The following SESTD1 variants were observed in gnomAD, a reference collection of about 807,000 sequenced individuals.
The protein encoded by SESTD1 is SEC14 domain and spectrin repeat-containing protein 1.
SESTD1 carries 43 observed loss-of-function variants against 101.7 expected under a neutral mutation model. The observed-to-expected ratio is 0.42, with a 90% CI of 0.33 to 0.55. The LOEUF is 0.55. Among genes scored for constraint, SESTD1 ranks in the 20% least tolerant of loss-of-function variants. The probability of loss-of-function intolerance (pLI) is 0.07; values close to 1 mark genes in which losing one functional copy is unlikely to be tolerated. For missense variants in SESTD1, 647 were observed against 815.1 expected (o/e 0.79, Z 2.51); for synonymous variants, 283 against 286.8 (o/e 0.99, Z 0.13).
At chr2:179,201,513 G>A (rs2046511334) in intron 1 of SESTD1, among the ~76,000 whole-genome samples, 1 of 133,196 alleles carries the variant, frequency 7.5e-6, no homozygotes. Flanking sequence ...GCAAAGGCTT[G>A]GAACCAACCC....
At chr2:179,137,510 T>C (rs559062481) in intron 9 of SESTD1, among the ~76,000 whole-genome samples, 15 of 152,318 alleles carry the variant, frequency 9.8e-5, no homozygotes, top group Admixed American at 3.3e-4. Context: ...ATTCTAGAAA[T>C]AACATTTGCA....
rs1157305767 is a variant in SESTD1, at chr2:179,159,501, T to C, written c.370-8110A>G. ...GCGGGATTTAGGCCTGAAGTAGAACTGGAATGCTGAAAAAGGAAAACTGTG... is the reference window on the plus strand; with the variant it reads ...GCGGGATTTAGGCCTGAAGTAGAACCGGAATGCTGAAAAAGGAAAACTGTG... On this transcript the variant is annotated intron_variant, in intron 5 of 17. Transcript: ENST00000428443. 2.0e-5 allele frequency among the ~76,000 whole-genome samples: 3 copies of C among 152,132 alleles called. 1 individual carries two copies. Among genetic ancestry groups the C allele is most frequent in the Non-Finnish European group, 4.4e-5 (3 of 68,012 alleles).
chr2:179,191,126 A>G (rs1277057348), intron 2 of SESTD1, among the ~76,000 whole-genome samples: 6 of 152,228 alleles, frequency 3.9e-5, no homozygotes, highest in Non-Finnish European at 8.8e-5. Context: ...ACATGCATTC[A>G]TACGTTCCTT....
intron 7 of SESTD1, among the ~76,000 whole-genome samples, chr2:179,148,627 T>C (rs953450457): frequency 1.3e-4 from 20 of 152,212 alleles, no homozygotes; most frequent in African/African-American, 4.3e-4. Flanking sequence ...GTTATAATAA[T>C]TGTATTTCAA....
At chr2:179,204,228 C>CA (rs1490024200) in intron 1 of SESTD1, among the ~76,000 whole-genome samples, 1 of 134,916 alleles carries the variant, frequency 7.4e-6, no homozygotes, top group African/African-American at 2.9e-5. Context: ...AATGAGACCA[C>CA]AATCATGCCC....
At position 179,149,296 on chromosome 2, in the gene SESTD1, C is replaced by A; in HGVS notation, c.581+1G>T. The A allele has an allele frequency of 6.2e-7, 1 of 1,606,626 alleles. No individual in the cohort carries two copies. The highest frequency in any genetic ancestry group is 8.5e-7 in the Non-Finnish European group (1 of 1,176,300). On this transcript the variant is annotated splice_donor_variant, in intron 7 of 17. Transcript: ENST00000428443. LOFTEE classifies it high-confidence loss of function. ...ATAATTGCATGCCACTAGCCACCTA[C>A]CTTTCTTTCTCTTGCTGATTTCCTT...
intron 1 of SESTD1, among the ~76,000 whole-genome samples, chr2:179,254,263 TA>T (rs1262847643): frequency 2.0e-5 from 3 of 151,996 alleles, no homozygotes; most frequent in Non-Finnish European, 4.4e-5. Context: ...ATTTAGGAGC[TA>T]AAAAAGAAAA....
chr2:179,175,054 A>G (rs562422625), intron 4 of SESTD1, among the ~76,000 whole-genome samples: 46 of 152,298 alleles, frequency 3.0e-4, no homozygotes, highest in African/African-American at 9.1e-4. Context: ...ACCTCAGCAG[A>G]CACATGCCAC....
At chr2:179,120,909 T>TTAAG (rs1272133565) in intron 13 of SESTD1, among the ~76,000 whole-genome samples, 1 of 152,132 alleles carries the variant, frequency 6.6e-6, no homozygotes, top group Non-Finnish European at 1.5e-5. Flanking sequence ...ATTTAAGCAT[T>TTAAG]TAAGTGAGGG....
At position 179,205,020 on chromosome 2, in the gene SESTD1, AT is replaced by A. The variant is rs370433878; in HGVS notation, c.-25-13155del. The stretch of plus-strand genomic sequence containing the variant: ...TCTCAGCTGCCTTTAATTCCTTCCT[AT>A]TTTTTTGAACTTATTTCTCCATCCT... On this transcript the variant is annotated intron_variant, in intron 1 of 17. Coordinates refer to ENST00000428443, the MANE Select transcript of SESTD1 (RefSeq NM_178123.5). Among the ~76,000 whole-genome samples the A allele has an allele frequency of 1.3e-3, 175 of 134,474 alleles. 41 individuals are homozygous for A. The highest frequency in any genetic ancestry group is 4.8e-3 in the African/African-American group (162 of 34,104). 88.2% of individuals were successfully genotyped at this position (134,474 alleles called of 152,430 possible).
At chr2:179,191,228 T>C (rs1201363259) in intron 2 of SESTD1, among the ~76,000 whole-genome samples, 1 of 152,170 alleles carries the variant, frequency 6.6e-6, no homozygotes, top group Non-Finnish European at 1.5e-5. Flanking sequence ...ATATACATCA[T>C]AGAGTACTAT....
chr2:179,138,325 G>A (rs2045201644), intron 9 of SESTD1, among the ~76,000 whole-genome samples: 1 of 152,070 alleles, frequency 6.6e-6, no homozygotes, highest in East Asian at 1.9e-4. Flanking sequence ...AAGTAAAAAT[G>A]CTGGATAAAT....
intron 1 of SESTD1, among the ~76,000 whole-genome samples, chr2:179,231,454 T>C (rs1440299727): frequency 6.6e-6 from 1 of 150,450 alleles, no homozygotes; most frequent in Non-Finnish European, 1.5e-5. Flanking sequence ...ATGAGGACAT[T>C]TAAAAAAGGC....
chr2:179,216,685 C>G (rs914274842), intron 1 of SESTD1, among the ~76,000 whole-genome samples: 2 of 134,716 alleles, frequency 1.5e-5, no homozygotes, highest in African/African-American at 5.9e-5. Context: ...GACAATCCTA[C>G]GCAAAAAGAA....
chr2:179,136,374 C>T (rs2045145035), intron 9 of SESTD1, among the ~76,000 whole-genome samples: 1 of 152,164 alleles, frequency 6.6e-6, no homozygotes, highest in Non-Finnish European at 1.5e-5. Context: ...CTGCATTTTA[C>T]AATAACAACC....
intron 1 of SESTD1, among the ~76,000 whole-genome samples, chr2:179,195,964 G>T (rs189718215): frequency 9.2e-5 from 14 of 152,118 alleles, no homozygotes; most frequent in Non-Finnish European, 2.1e-4. Flanking sequence ...CAAGATGGCC[G>T]AATAGGAACA....
chr2:179,141,354 C>T (rs2045270534), intron 9 of SESTD1, among the ~76,000 whole-genome samples: 1 of 152,156 alleles, frequency 6.6e-6, no homozygotes, highest in Non-Finnish European at 1.5e-5. Context: ...TCATCCTAAT[C>T]CTACTCCCAT....
At chr2:179,234,059 T>G (rs767106118) in intron 1 of SESTD1, among the ~76,000 whole-genome samples, 4 of 152,140 alleles carry the variant, frequency 2.6e-5, no homozygotes, top group South Asian at 2.1e-4. Context: ...CAGTTTGCCC[T>G]CCGTAATGCA....
At chr2:179,170,742 C>T (rs1424138603) in intron 5 of SESTD1, among the ~76,000 whole-genome samples, 1 of 152,140 alleles carries the variant, frequency 6.6e-6, no homozygotes, top group African/African-American at 2.4e-5. Flanking sequence ...ACTCCTCTCC[C>T]TCCAGGGAAG....
Sources: allele counts gnomAD v4.1 joint callset (sites outside exome capture counted in the v4.1 genomes callset), GRCh38; gene constraint gnomAD v4.1.1; transcripts MANE v1.5; gene names NCBI Gene and HGNC (gene_info 2026-07-23, HGNC 2026-07-21).